TCF25: variants seen among roughly 807,000 people sequenced by gnomAD.
TCF25 encodes ribosome quality control complex subunit TCF25.
A neutral mutation model predicts 83.1 loss-of-function variants in TCF25; 41 were observed. The ratio of observed to expected loss-of-function variants is 0.49; its 90% CI spans 0.38 to 0.64. The LOEUF (loss-of-function observed/expected upper bound fraction) is 0.64. Ranked by LOEUF, TCF25 falls within the 30% of genes least tolerant of loss-of-function variation. The pLI is 0.00. For synonymous variants in TCF25, 458 were observed against 365.0 expected, an observed-to-expected ratio of 1.25 and a Z score of -2.90; for missense variants, 979 against 914.5, an observed-to-expected ratio of 1.07 and a Z score of -0.91.
intron 14 of TCF25, among the ~76,000 whole-genome samples, chr16:89,905,558 C>G (rs1339848996): frequency 6.6e-6 from 1 of 152,220 alleles, no homozygotes; most frequent in African/African-American, 2.4e-5. Flanking sequence ...TGGCCCTGTG[C>G]TAGTTCTGTG....
At chr16:89,908,360 TCTTCCAG>T (rs2045163501) in intron 16 of TCF25, among the ~76,000 whole-genome samples, 1 of 61,758 alleles carries the variant, frequency 1.6e-5, no homozygotes. Context: ...CCAGCTCCCA[TCTTCCAG>T]CTCCCAGCTC....
rs2042749677 is a variant in TCF25, at chr16:89,883,356, C to T, written c.198C>T (p.Asn66=). ...VRVNNRFELI[N]IDDLEDDPVV... ...TCTCCAACCTGTTTTTCCAGATAAA[C>T]ATTGACGATCTTGAGGATGACCCTG... Residue 66 remains asparagine (N), a synonymous_variant, in exon 2 of 18, where the codon AAC becomes AAT. Coordinates refer to ENST00000263346, the MANE Select transcript of TCF25 (RefSeq NM_014972.3). 1 of 1,613,248 alleles carries T rather than the reference C, an allele frequency of 6.2e-7. No homozygotes were observed. The highest frequency in any genetic ancestry group is 8.5e-7 in the Non-Finnish European group (1 of 1,179,374).
At chr16:89,908,660 A>AACTCCCT (rs2045254400) in intron 16 of TCF25, among the ~76,000 whole-genome samples, 2 of 51,118 alleles carry the variant, frequency 3.9e-5, no homozygotes, top group Non-Finnish European at 7.1e-5. Flanking sequence ...CCCACCTCCC[A>AACTCCCT]GCTCCCACCT....
intron 13 of TCF25, chr16:89,904,707 TGTGACGTCA>T (rs1447005721): frequency 1.5e-6 from 1 of 664,648 alleles, no homozygotes; most frequent in Non-Finnish European, 2.7e-6. Context: ...TTCACATTTC[TGTGACGTCA>T]GTCCTGCTTC....
intron 11 of TCF25, among the ~76,000 whole-genome samples, chr16:89,899,728 C>CAA (rs570020965): frequency 1.3e-4 from 17 of 133,240 alleles, no homozygotes; most frequent in African/African-American, 3.8e-4. Context: ...AACTCCGTCT[C>CAA]AAAAAAAAAA....
rs200443167 is a variant in TCF25, at chr16:89,883,410, G to T, written c.252G>T (p.Ala84=). 6.8e-6 allele frequency: 11 copies of T among 1,614,054 alleles called. No individual in the cohort carries two copies. Among genetic ancestry groups the T allele is most frequent in the Admixed American group, 5.0e-5 (3 of 60,012 alleles). ...PVVNGERSGC[A]LTDAVAPGNK... ...TGAACGGGGAGAGGTCTGGCTGTGC[G>T]CTCACAGACGCTGTGGCACCAGGGA... Residue 84 remains alanine (A), a synonymous_variant, in exon 2 of 18, where the codon GCG becomes GCT. Coordinates refer to ENST00000263346, the MANE Select transcript of TCF25 (RefSeq NM_014972.3).
intron 12 of TCF25, among the ~76,000 whole-genome samples, chr16:89,902,845 G>A (rs949323577): frequency 6.6e-6 from 1 of 152,118 alleles, no homozygotes; most frequent in Non-Finnish European, 1.5e-5. Flanking sequence ...ACCACTCATC[G>A]CCTATTAGGA....
chr16:89,886,136 T>A (rs896791218), intron 4 of TCF25, 170 bp downstream of exon 4: 1 of 650,676 alleles, frequency 1.5e-6, no homozygotes, highest in Non-Finnish European at 2.8e-6. Flanking sequence ...AAAAATCATA[T>A]GAGTTTATTG....
At chr16:89,900,606 T>C in intron 11 of TCF25, 29 bp from the exon 12 acceptor site, 1 of 1,558,956 alleles carries the variant, frequency 6.4e-7, no homozygotes, top group Non-Finnish European at 8.8e-7. Context: ...GACTTAAGGC[T>C]CCACGCTCTG....
chr16:89,911,171 A>C lies in TCF25; in HGVS notation c.1964A>C (p.Asn655Thr), dbSNP rs777086242. Residue 655 changes from asparagine to threonine, a missense_variant, in exon 18 of 18, where the codon AAC becomes ACC. Coordinates refer to ENST00000263346, the MANE Select transcript of TCF25 (RefSeq NM_014972.3). ...CTGGCTGTGCGCGACATGATGGCCA[A>C]CTTCCACCTCAACGACCTGGAGGCG... ...LMLAVRDMMANFHLNDLEAPH... is the reference protein window; with the variant it reads ...LMLAVRDMMATFHLNDLEAPH... 6.2e-7 allele frequency: 1 copy of C among 1,612,300 alleles called. No individual in the cohort carries two copies. Among genetic ancestry groups the C allele is most frequent in the Non-Finnish European group, 8.5e-7 (1 of 1,179,962 alleles).
chr16:89,887,004 G>A (rs1385014026), intron 4 of TCF25, among the ~76,000 whole-genome samples: 2 of 152,090 alleles, frequency 1.3e-5, no homozygotes, highest in Admixed American at 6.6e-5. Context: ...AGAACTTCTA[G>A]TTTTACTTCT....
At chr16:89,899,892 T>A (rs2044180693) in intron 11 of TCF25, among the ~76,000 whole-genome samples, 1 of 152,168 alleles carries the variant, frequency 6.6e-6, no homozygotes, top group Non-Finnish European at 1.5e-5. Context: ...CTGTGTTGAA[T>A]TTTTTTCATA....
At position 89,887,274 on chromosome 16, in the gene TCF25, T is replaced by C. The variant is rs372634996; in HGVS notation, c.549-378T>C. On this transcript the variant is annotated intron_variant, in intron 4 of 17. Transcript: ENST00000263346. ...GTCTTACAGATGCTTAATGAATCGC[T>C]GTCCCTACTTCAGAAATTATTGCCA... 7.2e-5 allele frequency among the ~76,000 whole-genome samples: 11 copies of C among 152,198 alleles called. No homozygotes were observed. In the South Asian group the frequency reaches 2.3e-3, roughly 32 times the overall value.
intron 15 of TCF25, 154 bp downstream of exon 15, chr16:89,906,438 C>T (rs1432808047): frequency 4.2e-5 from 28 of 659,582 alleles, no homozygotes; most frequent in Non-Finnish European, 3.6e-5. Context: ...GCAGAGGGCT[C>T]CTCCTTTCCT....
intron 4 of TCF25, among the ~76,000 whole-genome samples, chr16:89,886,351 C>T (rs1438601876): frequency 6.6e-6 from 1 of 152,106 alleles, no homozygotes; most frequent in African/African-American, 2.4e-5. Flanking sequence ...TGGCGTGAAC[C>T]CAATAGGTGG....
chr16:89,886,354 A>G (rs1007120487), intron 4 of TCF25, among the ~76,000 whole-genome samples: 1 of 151,960 alleles, frequency 6.6e-6, no homozygotes, highest in East Asian at 1.9e-4. Context: ...CGTGAACCCA[A>G]TAGGTGGAGC....
At chr16:89,908,965 G>C (rs1394998481) in intron 16 of TCF25, 1 of 1,289,472 alleles carries the variant, frequency 7.8e-7, no homozygotes, top group East Asian at 5.6e-5. Flanking sequence ...TCCCCTCACA[G>C]GAAGGGAGAG....
At chr16:89,886,077 A>C in intron 4 of TCF25, 111 bp downstream of exon 4, 2 of 701,692 alleles carry the variant, frequency 2.9e-6, no homozygotes, top group Non-Finnish European at 4.8e-6. Flanking sequence ...ACTTCGTGGG[A>C]GGAAAAGGTT....
At chr16:89,907,912 GCTCCTGC>G (rs2045062456) in intron 16 of TCF25, among the ~76,000 whole-genome samples, 2 of 54,184 alleles carry the variant, frequency 3.7e-5, no homozygotes, top group Non-Finnish European at 6.7e-5. Flanking sequence ...CCACCTCCCA[GCTCCTGC>G]CTCCCTCCTC....
Sources: gnomAD v4.1 joint callset for allele counts (sites outside exome capture counted in the v4.1 genomes callset) on GRCh38, gnomAD v4.1.1 for gene constraint, MANE v1.5 for transcripts, NCBI Gene and HGNC (gene_info 2026-07-23, HGNC 2026-07-21) for gene names.